The following CCDC71L variants were observed in gnomAD, a reference collection of about 807,000 sequenced individuals.
CCDC71L encodes coiled-coil domain-containing protein 71L.
A neutral mutation model predicts 10.2 loss-of-function variants in CCDC71L; 6 were observed. The observed-to-expected ratio is 0.59, with a 90% confidence interval of 0.32 to 1.16. The LOEUF (loss-of-function observed/expected upper bound fraction) is 1.16, where lower values mean the gene tolerates loss of function less well. CCDC71L is among the 50% of genes most tolerant of loss of function. CCDC71L has a pLI of 0.05. For synonymous variants in CCDC71L, 204 were observed against 175.5 expected, an observed-to-expected ratio of 1.16 and a Z score of -1.28; for missense variants, 366 against 383.4, an observed-to-expected ratio of 0.95 and a Z score of 0.38.
At position 106,660,847 on chromosome 7, in the gene CCDC71L, G is replaced by A; in HGVS notation, c.50C>T (p.Ala17Val). The change falls in exon 1 of 1, where the codon GCC becomes GTC. Residue 17 changes from alanine to valine, a missense_variant. Transcript: ENST00000523505. This position sits in a 1 kb window ranked among gnomAD's most constrained non-coding sequence, Gnocchi z 7.5. ...RRRRRRPVAPATAARGGDFRA... is the reference protein window; with the variant it reads ...RRRRRRPVAPVTAARGGDFRA... ...AAAGTCGCCGCCCCGGGCGGCCGTG[G>A]CCGGGGCGACCGGGCGCCGGCGCCG... 1 of 1,494,434 alleles carries A rather than the reference G, an allele frequency of 6.7e-7. No individual in the cohort carries two copies. The highest frequency in any genetic ancestry group is 8.9e-7 in the Non-Finnish European group (1 of 1,127,184). 92.6% of individuals were successfully genotyped at this position (1,494,434 alleles called of 1,614,324 possible). A position where few individuals can be genotyped will look rare whatever the true frequency, so the allele number is the denominator to read the frequency against.
At position 106,655,405 on chromosome 7, in the gene CCDC71L, C is replaced by G. The variant is rs74355015; in HGVS notation, c.*4784G>C. Among the ~76,000 whole-genome samples the G allele has an allele frequency of 3.9e-5, 6 of 152,146 alleles. No homozygotes were observed. Among genetic ancestry groups the G allele is most frequent in the Non-Finnish European group, 8.8e-5 (6 of 67,992 alleles). ...AATGAGTGTGTCAATGCTTCAAATACAAGATTTTTTTTACTTTCAGTAATA... is the reference window on the plus strand; with the variant it reads ...AATGAGTGTGTCAATGCTTCAAATAGAAGATTTTTTTTACTTTCAGTAATA... On this transcript the variant is annotated 3_prime_UTR_variant, in exon 1 of 1. Coordinates refer to ENST00000523505, the MANE Select transcript of CCDC71L (RefSeq NM_175884.6).
Position 106,655,053 on chromosome 7 carries a change from T to C in CCDC71L, c.*5136A>G, listed in dbSNP as rs1792468578. ...TTATTCAAATTTTCTGGGCTAAACA[T>C]AGTGTTTGGTGTTTTTATGATTATT... On this transcript the variant is annotated 3_prime_UTR_variant, in exon 1 of 1. Transcript: ENST00000523505. Among the ~76,000 whole-genome samples the C allele has an allele frequency of 6.6e-6, 1 of 152,150 alleles. No individual in the cohort carries two copies. Among genetic ancestry groups the C allele is most frequent in the Non-Finnish European group, 1.5e-5 (1 of 67,986 alleles).
At position 106,654,871 on chromosome 7, in the gene CCDC71L, G is replaced by A. The variant is rs1372718782; in HGVS notation, c.*5318C>T. Reference sequence around the variant, plus strand: ...CCTAAGCCACACTCTTTTTTTTTCTGTACTCTTTAAAGAATATGTACTTGA... The same window carrying A: ...CCTAAGCCACACTCTTTTTTTTTCTATACTCTTTAAAGAATATGTACTTGA... On this transcript the variant is annotated 3_prime_UTR_variant, in exon 1 of 1. Coordinates refer to ENST00000523505, the MANE Select transcript of CCDC71L (RefSeq NM_175884.6). 6.7e-6 allele frequency among the ~76,000 whole-genome samples: 1 copy of A among 148,406 alleles called. No individual in the cohort carries two copies. The highest frequency in any genetic ancestry group is 2.1e-4 in the South Asian group (1 of 4,708).
At position 106,658,773 on chromosome 7, in the gene CCDC71L, A is replaced by G. The variant is rs1202241754; in HGVS notation, c.*1416T>C. The G allele has an allele frequency of 1.3e-5, 2 of 152,654 alleles. No individual in the cohort carries two copies. The highest frequency in any genetic ancestry group is 2.9e-5 in the Non-Finnish European group (2 of 68,040). The allele number at this position is 152,654 out of a possible 1,614,324, so 9.5% of individuals were successfully genotyped here. A position where few individuals can be genotyped will look rare whatever the true frequency, so the allele number is the denominator to read the frequency against. On this transcript the variant is annotated 3_prime_UTR_variant, in exon 1 of 1. Coordinates refer to ENST00000523505, the MANE Select transcript of CCDC71L (RefSeq NM_175884.6). Reference sequence around the variant, plus strand: ...AATTCCACACTGGGCCATATGGTATAAACACTATAAAAGCGTAAAGAAGGG... The same window carrying G: ...AATTCCACACTGGGCCATATGGTATGAACACTATAAAAGCGTAAAGAAGGG...
In CCDC71L at chr7:106,661,039, G is replaced by C. The variant is rs568966836; in HGVS notation, c.-143C>G. On this transcript the variant is annotated 5_prime_UTR_variant, in exon 1 of 1. Transcript: ENST00000523505. ...TCCGCCGCCGCCCCTCCCCCTCCGAGGGCGGAGGACGCGGGCGAATATCCT... is the reference window on the plus strand; with the variant it reads ...TCCGCCGCCGCCCCTCCCCCTCCGACGGCGGAGGACGCGGGCGAATATCCT... 4.6e-4 allele frequency: 554 copies of C among 1,199,732 alleles called. 6 individuals are homozygous for C. In the Admixed American group the frequency reaches 0.016, roughly 34 times the overall value. 74.3% of individuals were successfully genotyped at this position (1,199,732 alleles called of 1,614,324 possible).
chr7:106,658,880 G>A lies in CCDC71L; in HGVS notation c.*1309C>T, dbSNP rs991747017. On this transcript the variant is annotated 3_prime_UTR_variant, in exon 1 of 1. Transcript: ENST00000523505. ...CTAGAACTGCAAACATATAATGAGT[G>A]GCAAAAAGGTTAAAAAAAATGTTGG... is the stretch of plus-strand genomic sequence containing the variant. 1 of 151,954 alleles carries A rather than the reference G, an allele frequency of 6.6e-6. No homozygotes were observed. Among genetic ancestry groups the A allele is most frequent in the Admixed American group, 6.6e-5 (1 of 15,230 alleles). The allele number at this position is 151,954 out of a possible 1,614,324, so 9.4% of individuals were successfully genotyped here. A position where few individuals can be genotyped will look rare whatever the true frequency, so the allele number is the denominator to read the frequency against.
chr7:106,660,970 C>T lies in CCDC71L; in HGVS notation c.-74G>A, dbSNP rs1341732790. 3.9e-6 allele frequency: 5 copies of T among 1,295,380 alleles called. No individual in the cohort carries two copies. The East Asian group carries it at 1.3e-4, about 33-fold the overall frequency. 80.2% of individuals were successfully genotyped at this position (1,295,380 alleles called of 1,614,324 possible). On this transcript the variant is annotated 5_prime_UTR_variant, in exon 1 of 1. Transcript: ENST00000523505. This position sits in a 1 kb window ranked among gnomAD's most constrained non-coding sequence, Gnocchi z 7.5. The stretch of plus-strand genomic sequence containing the variant: ...CCGCCGTCCCAGTCCGCGTTGGCTC[C>T]GCGGCGGCGGCTGCTGCTGGCGTCT...
rs777313996 is a variant in CCDC71L at position 106,660,300 on chromosome 7, G to A, written c.597C>T (p.Asp199=). The A allele has an allele frequency of 4.5e-6, 7 of 1,550,454 alleles. No homozygotes were observed. Among genetic ancestry groups the A allele is most frequent in the Non-Finnish European group, 6.0e-6 (7 of 1,159,440 alleles). The part of the protein sequence containing the change: ...TTFPTIRVGS[D]VWGERSLAAA... ...CCGCCAGGCTGCGCTCGCCCCACAC[G>A]TCGCTGCCGACGCGGATGGTGGGGA... The change falls in exon 1 of 1, where the codon GAC becomes GAT. Residue 199 remains aspartate, a synonymous_variant. Coordinates refer to ENST00000523505, the MANE Select transcript of CCDC71L (RefSeq NM_175884.6). The surrounding 1 kb of genome is among the most constrained non-coding windows in gnomAD (Gnocchi z 7.5).
rs1418913136 is a variant in CCDC71L at position 106,655,799 on chromosome 7, T to C, written c.*4390A>G. On this transcript the variant is annotated 3_prime_UTR_variant, in exon 1 of 1. Transcript: ENST00000523505. ...GCATAGTCAGCAAGCTAAAAAATTA[T>C]ATGATTTCCTTATGTCTTCAATTTT... Among the ~76,000 whole-genome samples, 1 of 152,198 alleles carries C rather than the reference T, an allele frequency of 6.6e-6. No homozygotes were observed. The highest frequency in any genetic ancestry group is 1.5e-5 in the Non-Finnish European group (1 of 68,018).
Position 106,659,915 on chromosome 7 carries a change from A to C in CCDC71L, c.*274T>G. On this transcript the variant is annotated 3_prime_UTR_variant, in exon 1 of 1. Transcript: ENST00000523505. ...GGAGACGTCTCAATCGGTGGTCAGG[A>C]AGAAAGGGACCTCCCCTGCGGGTCC... 2.3e-6 allele frequency: 1 copy of C among 437,112 alleles called. No individual in the cohort carries two copies. Among genetic ancestry groups the C allele is most frequent in the South Asian group, 3.8e-5 (1 of 26,122 alleles). The allele number at this position is 437,112 out of a possible 1,614,324, so 27.1% of individuals were successfully genotyped here. A position where few individuals can be genotyped will look rare whatever the true frequency, so the allele number is the denominator to read the frequency against.
Position 106,657,479 on chromosome 7 carries a change from T to C in CCDC71L, c.*2710A>G, listed in dbSNP as rs1319404346. ...ATGAACGAAGATCATGAGATTTCTT[T>C]CAAAAACTATACACAAGCTAAGCTA... On this transcript the variant is annotated 3_prime_UTR_variant, in exon 1 of 1. Coordinates refer to ENST00000523505, the MANE Select transcript of CCDC71L (RefSeq NM_175884.6). 1 of 152,166 alleles carries C rather than the reference T, an allele frequency of 6.6e-6. No homozygotes were observed. The highest frequency in any genetic ancestry group is 1.5e-5 in the Non-Finnish European group (1 of 68,024). 9.4% of individuals were successfully genotyped at this position (152,166 alleles called of 1,614,324 possible).
Position 106,659,112 on chromosome 7 carries a change from GTT to G in CCDC71L, c.*1075_*1076del, listed in dbSNP as rs1356007032. 6.6e-6 allele frequency: 1 copy of G among 151,972 alleles called. No individual in the cohort carries two copies. The highest frequency in any genetic ancestry group is 1.5e-5 in the Non-Finnish European group (1 of 67,994). 9.4% of individuals were successfully genotyped at this position (151,972 alleles called of 1,614,324 possible). ...TTCTAAGAATTCTAATGGGTATTCT[GTT>G]TATCATTTTAGTGATAATGTTTACA... On this transcript the variant is annotated 3_prime_UTR_variant, in exon 1 of 1. Coordinates refer to ENST00000523505, the MANE Select transcript of CCDC71L (RefSeq NM_175884.6).
chr7:106,660,967 C>T lies in CCDC71L; in HGVS notation c.-71G>A. The T allele has an allele frequency of 3.1e-6, 4 of 1,297,996 alleles. No individual in the cohort carries two copies. The highest frequency in any genetic ancestry group is 3.9e-6 in the Non-Finnish European group (4 of 1,025,186). 80.4% of individuals were successfully genotyped at this position (1,297,996 alleles called of 1,614,324 possible). ...CCGCCGCCGTCCCAGTCCGCGTTGG[C>T]TCCGCGGCGGCGGCTGCTGCTGGCG... is the stretch of plus-strand genomic sequence containing the variant. On this transcript the variant is annotated 5_prime_UTR_variant, in exon 1 of 1. Transcript: ENST00000523505. This position sits in a 1 kb window ranked among gnomAD's most constrained non-coding sequence, Gnocchi z 7.5.
chr7:106,657,433 G>A lies in CCDC71L; in HGVS notation c.*2756C>T, dbSNP rs1462602008. The stretch of plus-strand genomic sequence containing the variant: ...TTCCCCCTCTACTTGTGCCATATGA[G>A]ATAAAAGAGAAGGCAAGAGAATGAA... On this transcript the variant is annotated 3_prime_UTR_variant, in exon 1 of 1. Coordinates refer to ENST00000523505, the MANE Select transcript of CCDC71L (RefSeq NM_175884.6). The A allele has an allele frequency of 1.3e-5, 2 of 152,110 alleles. No homozygotes were observed. Among genetic ancestry groups the A allele is most frequent in the African/African-American group, 4.8e-5 (2 of 41,398 alleles). 9.4% of individuals were successfully genotyped at this position (152,110 alleles called of 1,614,324 possible). A position where few individuals can be genotyped will look rare whatever the true frequency, so the allele number is the denominator to read the frequency against.
rs1019618516 is a variant in CCDC71L at position 106,657,924 on chromosome 7, G to A, written c.*2265C>T. ...ATAAATGAATGGTGTCAGTGGTTAT[G>A]TTTCAGTGGTGTGCTGAGCAGTTAT... On this transcript the variant is annotated 3_prime_UTR_variant, in exon 1 of 1. Transcript: ENST00000523505. The A allele has an allele frequency of 6.6e-6, 1 of 152,196 alleles. No homozygotes were observed. The highest frequency in any genetic ancestry group is 1.5e-5 in the Non-Finnish European group (1 of 68,032). The allele number at this position is 152,196 out of a possible 1,614,324, so 9.4% of individuals were successfully genotyped here.
At position 106,655,798 on chromosome 7, in the gene CCDC71L, A is replaced by G. The variant is rs1008414950; in HGVS notation, c.*4391T>C. On this transcript the variant is annotated 3_prime_UTR_variant, in exon 1 of 1. Coordinates refer to ENST00000523505, the MANE Select transcript of CCDC71L (RefSeq NM_175884.6). ...TGCATAGTCAGCAAGCTAAAAAATT[A>G]TATGATTTCCTTATGTCTTCAATTT... Among the ~76,000 whole-genome samples, 1 of 152,182 alleles carries G rather than the reference A, an allele frequency of 6.6e-6. No individual in the cohort carries two copies. The highest frequency in any genetic ancestry group is 2.4e-5 in the African/African-American group (1 of 41,440).
Position 106,658,657 on chromosome 7 carries a change from G to A in CCDC71L, c.*1532C>T, listed in dbSNP as rs1792531730. 1 of 152,588 alleles carries A rather than the reference G, an allele frequency of 6.6e-6. No individual in the cohort carries two copies. Among genetic ancestry groups the A allele is most frequent in the Non-Finnish European group, 1.5e-5 (1 of 68,020 alleles). The allele number at this position is 152,588 out of a possible 1,614,324, so 9.5% of individuals were successfully genotyped here. On this transcript the variant is annotated 3_prime_UTR_variant, in exon 1 of 1. Coordinates refer to ENST00000523505, the MANE Select transcript of CCDC71L (RefSeq NM_175884.6). ...TACAAAAACACTACTTGACCCTTTA[G>A]GTATTGCAGTAAAAGCTGGCTGTGG...
chr7:106,659,506 G>A lies in CCDC71L; in HGVS notation c.*683C>T, dbSNP rs1270115446. Reference sequence around the variant, plus strand: ...AATACAAAACCTTTAAAAATACCTTGAAAATGTTTAAACAGTTGTATTTTG... The same window carrying A: ...AATACAAAACCTTTAAAAATACCTTAAAAATGTTTAAACAGTTGTATTTTG... On this transcript the variant is annotated 3_prime_UTR_variant, in exon 1 of 1. Transcript: ENST00000523505. 4.6e-5 allele frequency: 7 copies of A among 152,552 alleles called. No individual in the cohort carries two copies. Among genetic ancestry groups the A allele is most frequent in the Non-Finnish European group, 1.0e-4 (7 of 68,012 alleles). The allele number at this position is 152,552 out of a possible 1,614,324, so 9.4% of individuals were successfully genotyped here. A position where few individuals can be genotyped will look rare whatever the true frequency, so the allele number is the denominator to read the frequency against.
rs961810368 is a variant in CCDC71L, at chr7:106,658,324, G to C, written c.*1865C>G. 1 of 152,054 alleles carries C rather than the reference G, an allele frequency of 6.6e-6. No individual in the cohort carries two copies. Among genetic ancestry groups the C allele is most frequent in the Admixed American group, 6.6e-5 (1 of 15,258 alleles). The allele number at this position is 152,054 out of a possible 1,614,324, so 9.4% of individuals were successfully genotyped here. On this transcript the variant is annotated 3_prime_UTR_variant, in exon 1 of 1. Transcript: ENST00000523505. ...CATTGAGTAGTGAATAAAAGACTGA[G>C]GCTTACTAGAAAACTGGCATCAAGT...
Sources: gnomAD v4.1 joint callset for allele counts (sites outside exome capture counted in the v4.1 genomes callset) on GRCh38, gnomAD v4.1.1 for gene constraint, Gnocchi (gnomAD v3.1) non-coding constraint, MANE v1.5 for transcripts, NCBI Gene and HGNC (gene_info 2026-07-23, HGNC 2026-07-21) for gene names.